Variants in SATB1 observed in about 807,000 individuals in gnomAD.
SATB1 encodes SATB homeobox 1, also known as DNA-binding protein SATB1.
A neutral mutation model predicts 86.9 loss-of-function variants in SATB1; 11 were observed. That is an observed-to-expected ratio of 0.13 (90% CI 0.08 to 0.21). The LOEUF is 0.21. Among genes scored for constraint, SATB1 ranks in the 10% least tolerant of loss-of-function variants. The probability of loss-of-function intolerance (pLI) is 1.00; values close to 1 mark genes in which losing one functional copy is unlikely to be tolerated. For synonymous variants in SATB1, 357 were observed against 357.2 expected (o/e 1.00, Z 0.01); for missense variants, 551 against 937.6 (o/e 0.59, Z 5.39).
intron 8 of SATB1, among the ~76,000 whole-genome samples, chr3:18,385,049 GTTTA>G (rs1227277938): frequency 6.6e-6 from 1 of 152,100 alleles, no homozygotes; most frequent in African/African-American, 2.4e-5. Flanking sequence ...ATGATAAGCA[GTTTA>G]TTTAGCTACT....
intron 9 of SATB1, 23 bp downstream of exon 9, chr3:18,378,147 C>T (rs778170762): frequency 1.6e-5 from 24 of 1,536,800 alleles, no homozygotes; most frequent in Non-Finnish European, 2.1e-5. Context: ...TAAACATTCT[C>T]AATGCCTAAC....
rs34464594 is a variant in SATB1, at chr3:18,356,419, GA to G, written c.1576-4225del. On this transcript the variant is annotated intron_variant, in intron 9 of 10. Coordinates refer to ENST00000338745, the MANE Select transcript of SATB1 (RefSeq NM_002971.6). ...GGATCTATTAAAGAAATGTAAGATTGAAAAAAAAAAAAAAAGGAAAAGAGAA... is the reference window on the plus strand; with the variant it reads ...GGATCTATTAAAGAAATGTAAGATTGAAAAAAAAAAAAAAGGAAAAGAGAA... 4.4e-3 allele frequency among the ~76,000 whole-genome samples: 542 copies of G among 122,156 alleles called. 4 individuals are homozygous for G. Among genetic ancestry groups the G allele is most frequent in the African/African-American group, 0.011 (361 of 33,204 alleles). The allele number at this position is 122,156 out of a possible 152,430, so 80.1% of individuals were successfully genotyped here.
chr3:18,418,678 A>C (rs1330318820), intron 2 of SATB1, among the ~76,000 whole-genome samples: 1 of 151,988 alleles, frequency 6.6e-6, no homozygotes, highest in Non-Finnish European at 1.5e-5. Context: ...AACAAATAAA[A>C]CCATTCAATC....
At chr3:18,404,932 C>G (rs1697447622) in intron 5 of SATB1, among the ~76,000 whole-genome samples, 1 of 151,970 alleles carries the variant, frequency 6.6e-6, no homozygotes, top group Non-Finnish European at 1.5e-5. Flanking sequence ...TAGATAATCT[C>G]CAACGTCTCC....
chr3:18,443,966 A>G lies in SATB1; in HGVS notation c.-25+1552T>C, dbSNP rs1699309793. ...CCGCGGCTTTCAAACTCCGGGCTCCAACTTGAGCGCCCCGGCGCCCGAGTA... is the reference window on the plus strand; with the variant it reads ...CCGCGGCTTTCAAACTCCGGGCTCCGACTTGAGCGCCCCGGCGCCCGAGTA... On this transcript the variant is annotated intron_variant, in intron 1 of 3. Coordinates refer to the SATB1 transcript ENST00000415069. This position sits in a 1 kb window ranked among gnomAD's most constrained non-coding sequence, Gnocchi z 4.4. 6.6e-6 allele frequency among the ~76,000 whole-genome samples: 1 copy of G among 152,162 alleles called. No individual in the cohort carries two copies. The highest frequency in any genetic ancestry group is 2.1e-4 in the South Asian group (1 of 4,832).
upstream of SATB1, among the ~76,000 whole-genome samples, chr3:18,441,466 C>T (rs1699242445): frequency 6.6e-6 from 1 of 152,138 alleles, no homozygotes; most frequent in African/African-American, 2.4e-5. Context: ...TAGAAATAGT[C>T]TGAAGATTGC....
chr3:18,434,235 T>C (rs1698985002), intron 2 of SATB1, among the ~76,000 whole-genome samples: 1 of 152,110 alleles, frequency 6.6e-6, no homozygotes, highest in South Asian at 2.1e-4. Context: ...AGGGGTTTTG[T>C]CACTAAAAAT....
chr3:18,363,073 T>C (rs1694999860), intron 9 of SATB1, among the ~76,000 whole-genome samples: 1 of 152,144 alleles, frequency 6.6e-6, no homozygotes, highest in South Asian at 2.1e-4. Context: ...TAAAATGAGC[T>C]ACACTCCCTA....
intron 9 of SATB1, among the ~76,000 whole-genome samples, chr3:18,376,070 AG>A (rs1219339926): frequency 6.6e-6 from 1 of 152,102 alleles, no homozygotes; most frequent in African/African-American, 2.4e-5. Flanking sequence ...TGTGTAGGAC[AG>A]GGTAACAAAG....
intron 6 of SATB1, among the ~76,000 whole-genome samples, chr3:18,395,346 T>C (rs1001610843): frequency 1.3e-5 from 2 of 152,098 alleles, no homozygotes; most frequent in Non-Finnish European, 2.9e-5. Flanking sequence ...ACTAAAAAAA[T>C]TTACAAATAT....
rs1490064234 is a variant in SATB1, at chr3:18,352,109, C to G, written c.1662G>C (p.Arg554Ser). The change falls in exon 10 of 11, where the codon AGG (arginine) becomes AGC (serine). Residue 554 changes from arginine to serine, a missense_variant. Physicochemically the swap from Arg to Ser is moderately radical, Grantham distance 110 (BLOSUM62 -1). Coordinates refer to ENST00000338745, the MANE Select transcript of SATB1 (RefSeq NM_002971.6). The surrounding 1 kb of genome is among the most constrained non-coding windows in gnomAD (Gnocchi z 4.1). ...GTTCTGGCTGAGGAAGACTGAGGAA[C>G]CTTCGGATCATGGAGAGGTTCTCCC... ...TLWENLSMIRRFLSLPQPERD... is the reference protein window; with the variant it reads ...TLWENLSMIRSFLSLPQPERD... 2 of 1,614,178 alleles carry G rather than the reference C, an allele frequency of 1.2e-6. No individual in the cohort carries two copies. The highest frequency in any genetic ancestry group is 1.3e-5 in the African/African-American group (1 of 75,032).
chr3:18,394,333 T>C lies in SATB1; in HGVS notation c.1206+129A>G, dbSNP rs1696843174. 1.3e-6 allele frequency: 1 copy of C among 769,932 alleles called. No individual in the cohort carries two copies. The highest frequency in any genetic ancestry group is 2.1e-6 in the Non-Finnish European group (1 of 472,450). The allele number at this position is 769,932 out of a possible 1,614,324, so 47.7% of individuals were successfully genotyped here. A position where few individuals can be genotyped will look rare whatever the true frequency, so the allele number is the denominator to read the frequency against. Reference sequence around the variant, plus strand: ...AAATTGAGGCTCCACCAGGAATAGGTAATATGATCACATGAAGAGAGAGAG... The same window carrying C: ...AAATTGAGGCTCCACCAGGAATAGGCAATATGATCACATGAAGAGAGAGAG... On this transcript the variant is annotated intron_variant, in intron 7 of 10. Coordinates refer to ENST00000338745, the MANE Select transcript of SATB1 (RefSeq NM_002971.6). This position sits in a 1 kb window ranked among gnomAD's most constrained non-coding sequence, Gnocchi z 5.9.
At position 18,410,384 on chromosome 3, in the gene SATB1, G is replaced by A. The variant is rs570204334; in HGVS notation, c.639+4727C>T. Reference sequence around the variant, plus strand: ...GAAAAGGCTACTTGGTGAAGCTCCCGGGCTCTCGGTATGAAGTCTCACCCT... The same window carrying A: ...GAAAAGGCTACTTGGTGAAGCTCCCAGGCTCTCGGTATGAAGTCTCACCCT... On this transcript the variant is annotated intron_variant, in intron 5 of 10. Transcript: ENST00000338745. Among the ~76,000 whole-genome samples, 3 of 151,946 alleles carry A rather than the reference G, an allele frequency of 2.0e-5. No homozygotes were observed. The East Asian group carries it at 5.9e-4, about 30-fold the overall frequency.
At chr3:18,406,937 C>T (rs1278479576) in intron 5 of SATB1, among the ~76,000 whole-genome samples, 2 of 152,006 alleles carry the variant, frequency 1.3e-5, no homozygotes, top group Admixed American at 6.6e-5. Flanking sequence ...CGAATATTCC[C>T]GAGTTCCTAC....
At position 18,445,449 on chromosome 3, in the gene SATB1, G is replaced by T. The variant is rs996173664; in HGVS notation, c.-25+69C>A. The T allele has an allele frequency of 7.1e-6, 7 of 985,210 alleles. No individual in the cohort carries two copies. The African/African-American group carries it at 1.2e-4, about 17-fold the overall frequency. 61.0% of individuals were successfully genotyped at this position (985,210 alleles called of 1,614,324 possible). ...GGACCCTCAGCCTCGAGGGGTAAGT[G>T]TGGGCGCTTGGGGGTGCGCTTGGGG... On this transcript the variant is annotated intron_variant, in intron 1 of 3. Coordinates refer to the SATB1 transcript ENST00000415069.
At chr3:18,364,360 G>C (rs969072993) in intron 9 of SATB1, among the ~76,000 whole-genome samples, 1 of 151,882 alleles carries the variant, frequency 6.6e-6, no homozygotes, top group Admixed American at 6.6e-5. Context: ...TAAATAACAA[G>C]GTTTAGCAAC....
intron 7 of SATB1, among the ~76,000 whole-genome samples, chr3:18,389,266 T>TG (rs1696507478): frequency 6.6e-6 from 1 of 151,030 alleles, no homozygotes. Flanking sequence ...TTTGGGTTTT[T>TG]TTTTTTTTTT....
intron 2 of SATB1, chr3:18,417,672 T>C: frequency 4.3e-6 from 3 of 698,782 alleles, no homozygotes; most frequent in Non-Finnish European, 7.8e-6. Context: ...TTAACCAAAC[T>C]GGTGCTCATA....
At chr3:18,401,695 T>C (rs1364406985) in intron 5 of SATB1, among the ~76,000 whole-genome samples, 1 of 152,122 alleles carries the variant, frequency 6.6e-6, no homozygotes, top group Non-Finnish European at 1.5e-5. Context: ...GAAATACAAT[T>C]TCAAAGTTGG....
Sources: gnomAD v4.1 joint callset for allele counts (sites outside exome capture counted in the v4.1 genomes callset) on GRCh38, gnomAD v4.1.1 for gene constraint, Gnocchi (gnomAD v3.1) non-coding constraint, MANE v1.5 for transcripts, NCBI Gene and HGNC (gene_info 2026-07-23, HGNC 2026-07-21) for gene names.